VTI1A: variants seen among roughly 807,000 people sequenced by gnomAD.
VTI1A encodes vesicle transport through interaction with t-SNAREs 1A.
In VTI1A, 22 loss-of-function variants were observed where a neutral mutation model predicts 34.9. The ratio of observed to expected loss-of-function variants is 0.63; its 90% confidence interval spans 0.45 to 0.90. The LOEUF is 0.90. VTI1A is among the 40% of genes least tolerant of loss of function. The pLI is 0.00. For synonymous variants in VTI1A, 87 were observed against 97.3 expected (o/e 0.89, Z 0.62); for missense variants, 268 against 275.6 (o/e 0.97, Z 0.20).
chr10:112,457,001 C>T (rs759038144), intron 1 of VTI1A, among the ~76,000 whole-genome samples: 5 of 152,140 alleles, frequency 3.3e-5, no homozygotes, highest in Non-Finnish European at 7.3e-5. Context: ...ATTAGTTTAG[C>T]CAGAATCACT....
At chr10:112,730,377 C>A (rs1311749604) in intron 7 of VTI1A, among the ~76,000 whole-genome samples, 2 of 152,106 alleles carry the variant, frequency 1.3e-5, no homozygotes, top group Admixed American at 1.3e-4. Flanking sequence ...GAAGTCCCTG[C>A]CAATTGATAG....
In VTI1A at chr10:112,547,294, A is replaced by G. The variant is rs559705531; in HGVS notation, c.427+8964A>G. Reference sequence around the variant, plus strand: ...GTGAGCCCTTGTCTCAAAAAATAATAGTCCAGGCGTGGTGGCTCATGCCTG... The same window carrying G: ...GTGAGCCCTTGTCTCAAAAAATAATGGTCCAGGCGTGGTGGCTCATGCCTG... On this transcript the variant is annotated intron_variant, in intron 5 of 7. Transcript: ENST00000393077. Among the ~76,000 whole-genome samples the G allele has an allele frequency of 2.6e-5, 4 of 152,010 alleles. 1 individual carries two copies. The highest frequency in any genetic ancestry group is 9.6e-5 in the African/African-American group (4 of 41,464).
intron 7 of VTI1A, among the ~76,000 whole-genome samples, chr10:112,748,611 T>G (rs890336060): frequency 3.3e-5 from 5 of 150,316 alleles, no homozygotes; most frequent in African/African-American, 1.2e-4. Context: ...TTTTTTTTAA[T>G]TTAGAAACCT....
chr10:112,695,588 C>CG (rs1320794463), intron 7 of VTI1A, among the ~76,000 whole-genome samples: 2 of 152,136 alleles, frequency 1.3e-5, no homozygotes, highest in Non-Finnish European at 2.9e-5. Context: ...GCAAATATGG[C>CG]GCCAGTTGAT....
intron 5 of VTI1A, among the ~76,000 whole-genome samples, chr10:112,649,035 G>A (rs1846908612): frequency 1.3e-5 from 2 of 152,054 alleles, no homozygotes; most frequent in African/African-American, 2.4e-5. Context: ...ACCTGAAGTG[G>A]AGAATGGGAT....
chr10:112,627,064 A>G (rs1328047201), intron 5 of VTI1A, among the ~76,000 whole-genome samples: 2 of 152,238 alleles, frequency 1.3e-5, no homozygotes, highest in Non-Finnish European at 2.9e-5. Context: ...CATTAAATAT[A>G]TGTTGATTCA....
At chr10:112,481,833 G>T (rs761081121) in intron 3 of VTI1A, among the ~76,000 whole-genome samples, 1 of 152,220 alleles carries the variant, frequency 6.6e-6, no homozygotes, top group Non-Finnish European at 1.5e-5. Flanking sequence ...GAAAGAAAGA[G>T]AGAGAAAATC....
chr10:112,796,093 T>TG (rs1240099464), intron 7 of VTI1A, among the ~76,000 whole-genome samples: 2 of 152,174 alleles, frequency 1.3e-5, no homozygotes, highest in East Asian at 3.9e-4. Context: ...GAAGCCAATA[T>TG]GGGGGATCTA....
Position 112,572,404 on chromosome 10 carries a change from A to G in VTI1A, c.427+34074A>G, listed in dbSNP as rs191763779. Reference sequence around the variant, plus strand: ...TTTACAGTTCTTTGGTAGTTTTCTTATTTTATCTCTCAGCCCTCACCAGAA... The same window carrying G: ...TTTACAGTTCTTTGGTAGTTTTCTTGTTTTATCTCTCAGCCCTCACCAGAA... On this transcript the variant is annotated intron_variant, in intron 5 of 7. Coordinates refer to ENST00000393077, the MANE Select transcript of VTI1A (RefSeq NM_145206.4). Among the ~76,000 whole-genome samples, 826 of 152,276 alleles carry G rather than the reference A, an allele frequency of 5.4e-3. 12 individuals carry two copies. Among genetic ancestry groups the G allele is most frequent in the African/African-American group, 0.019 (795 of 41,546 alleles).
At chr10:112,548,305 C>CT (rs1225549311) in intron 5 of VTI1A, among the ~76,000 whole-genome samples, 6 of 151,694 alleles carry the variant, frequency 4.0e-5, no homozygotes, top group Admixed American at 2.6e-4. Flanking sequence ...AAGCCAGTCA[C>CT]TTTTTTTTTC....
At chr10:112,808,015 C>T (rs1402218677) in intron 7 of VTI1A, among the ~76,000 whole-genome samples, 1 of 151,920 alleles carries the variant, frequency 6.6e-6, no homozygotes, top group Non-Finnish European at 1.5e-5. Flanking sequence ...GCCAGGAGAT[C>T]AAGACCAGCC....
intron 5 of VTI1A, among the ~76,000 whole-genome samples, chr10:112,635,994 G>T (rs1372459456): frequency 6.6e-6 from 1 of 152,170 alleles, no homozygotes; most frequent in African/African-American, 2.4e-5. Context: ...AGTGAATGAG[G>T]ATCTCAAAGG....
intron 5 of VTI1A, among the ~76,000 whole-genome samples, chr10:112,641,328 T>C (rs1846563368): frequency 6.6e-6 from 1 of 152,130 alleles, no homozygotes; most frequent in African/African-American, 2.4e-5. Context: ...CACGCTAAGC[T>C]TGCTGTTGAT....
chr10:112,452,738 G>GT (rs770102039), intron 1 of VTI1A, among the ~76,000 whole-genome samples: 358 of 137,700 alleles, frequency 2.6e-3, no homozygotes, highest in African/African-American at 3.2e-3. Context: ...TTTTGTTTTT[G>GT]TTTTTTTTTT....
chr10:112,607,785 T>G (rs1428020911), intron 5 of VTI1A, among the ~76,000 whole-genome samples: 5 of 152,180 alleles, frequency 3.3e-5, no homozygotes. Context: ...AATCTGTTTT[T>G]AAGCTCACTC....
chr10:112,478,009 T>C (rs1848333979), intron 3 of VTI1A, among the ~76,000 whole-genome samples: 1 of 152,212 alleles, frequency 6.6e-6, no homozygotes, highest in Non-Finnish European at 1.5e-5. Flanking sequence ...CATTTTAGTT[T>C]CAGTGAAGTT....
chr10:112,560,814 C>T (rs1374747746), intron 5 of VTI1A, among the ~76,000 whole-genome samples: 3 of 152,002 alleles, frequency 2.0e-5, no homozygotes, highest in East Asian at 1.9e-4. Context: ...CCAGGATGGT[C>T]TCTATCTCTT....
intron 5 of VTI1A, among the ~76,000 whole-genome samples, chr10:112,596,905 T>G (rs973863325): frequency 6.6e-6 from 1 of 152,228 alleles, no homozygotes; most frequent in African/African-American, 2.4e-5. Flanking sequence ...GTTGGTAAGC[T>G]TTTTCTTCTG....
chr10:112,572,635 G>A (rs981924856), intron 5 of VTI1A, among the ~76,000 whole-genome samples: 6 of 152,140 alleles, frequency 3.9e-5, no homozygotes, highest in South Asian at 2.1e-4. Flanking sequence ...TCAGGAGATC[G>A]AGACCATCTT....
Sources: allele counts gnomAD v4.1 joint callset (sites outside exome capture counted in the v4.1 genomes callset), GRCh38; gene constraint gnomAD v4.1.1; transcripts MANE v1.5; gene names NCBI Gene and HGNC (gene_info 2026-07-23, HGNC 2026-07-21).